The following GRID1 variants were observed in gnomAD, a reference collection of about 807,000 sequenced individuals.
GRID1 encodes glutamate ionotropic receptor delta type subunit 1, also known as glutamate receptor ionotropic, delta-1.
GRID1 carries 28 observed loss-of-function variants against 98.0 expected under a neutral mutation model. The ratio of observed to expected loss-of-function variants is 0.29; its 90% CI spans 0.21 to 0.39. The LOEUF (loss-of-function observed/expected upper bound fraction) is 0.39. Ranked by LOEUF, GRID1 falls within the 10% of genes least tolerant of loss-of-function variation. GRID1 has a pLI of 1.00. For synonymous variants in GRID1, 553 were observed against 538.5 expected (o/e 1.03, Z -0.37); for missense variants, 1,111 against 1,340.5 (o/e 0.83, Z 2.67).
At chr10:85,687,393 G>A (rs1206804935) in intron 12 of GRID1, among the ~76,000 whole-genome samples, 1 of 152,162 alleles carries the variant, frequency 6.6e-6, no homozygotes, top group African/African-American at 2.4e-5. Flanking sequence ...ATTACTTGGA[G>A]AGAGGGAAAC....
chr10:86,360,331 A>C (rs1436793211), intron 2 of GRID1, among the ~76,000 whole-genome samples: 1 of 152,266 alleles, frequency 6.6e-6, no homozygotes, highest in Non-Finnish European at 1.5e-5. Flanking sequence ...TATAAAATAC[A>C]GTGGTGGGGG....
chr10:85,673,201 G>A (rs747896236), intron 12 of GRID1, among the ~76,000 whole-genome samples: 5 of 152,192 alleles, frequency 3.3e-5, no homozygotes, highest in Admixed American at 6.5e-5. Context: ...TGTCATGATC[G>A]AACTTAAATG....
At chr10:86,079,669 G>A (rs1277818296) in intron 4 of GRID1, among the ~76,000 whole-genome samples, 1 of 152,070 alleles carries the variant, frequency 6.6e-6, no homozygotes, top group Non-Finnish European at 1.5e-5. Flanking sequence ...CAACCTCTCT[G>A]GGCCTCCGTG....
At chr10:86,049,201 C>T (rs1003339245) in intron 4 of GRID1, among the ~76,000 whole-genome samples, 4 of 152,178 alleles carry the variant, frequency 2.6e-5, no homozygotes, top group African/African-American at 7.2e-5. Flanking sequence ...AGTGTCTGAG[C>T]AATTGACCAG....
chr10:85,998,840 G>T (rs72845598), intron 4 of GRID1, among the ~76,000 whole-genome samples: 10,340 of 152,254 alleles, frequency 0.068, 512 homozygotes, highest in Non-Finnish European at 0.1. Context: ...CTATTAAAAT[G>T]ATAAGAAGGG....
At chr10:86,077,082 A>C (rs1437509038) in intron 4 of GRID1, among the ~76,000 whole-genome samples, 1 of 137,556 alleles carries the variant, frequency 7.3e-6, no homozygotes, top group African/African-American at 2.8e-5. Context: ...ACTCATACTG[A>C]GTCAAACTGG....
chr10:86,165,954 T>C (rs550959790), intron 3 of GRID1, among the ~76,000 whole-genome samples: 25 of 152,248 alleles, frequency 1.6e-4, no homozygotes, highest in African/African-American at 4.3e-4. Context: ...GTCATGCTGA[T>C]TGGACATTAG....
intron 4 of GRID1, among the ~76,000 whole-genome samples, chr10:85,954,717 G>C (rs979813335): frequency 6.6e-6 from 1 of 152,108 alleles, no homozygotes; most frequent in African/African-American, 2.4e-5. Context: ...AGGTCCTTCC[G>C]AACTGGCAGA....
chr10:85,950,982 T>G (rs993689918), intron 4 of GRID1, among the ~76,000 whole-genome samples: 1 of 151,836 alleles, frequency 6.6e-6, no homozygotes, highest in Non-Finnish European at 1.5e-5. Context: ...TAGGAGCCTG[T>G]CTGGCATCCC....
At chr10:86,193,212 G>A (rs748266955) in intron 3 of GRID1, among the ~76,000 whole-genome samples, 2 of 151,996 alleles carry the variant, frequency 1.3e-5, no homozygotes, top group Non-Finnish European at 2.9e-5. Flanking sequence ...GATCTGAATC[G>A]CCACCTGCAG....
chr10:86,204,999 G>T (rs554861056), intron 3 of GRID1, among the ~76,000 whole-genome samples: 2 of 151,930 alleles, frequency 1.3e-5, no homozygotes, highest in African/African-American at 4.8e-5. Context: ...GGAGTGGGAG[G>T]GTGGGAGGGA....
Position 85,804,019 on chromosome 10 carries a change from A to G in GRID1, c.1233+50477T>C, listed in dbSNP as rs144981023. On this transcript the variant is annotated intron_variant, in intron 8 of 15. Coordinates refer to ENST00000327946, the MANE Select transcript of GRID1 (RefSeq NM_017551.3). ...AGAACAAAGTAAGCACAAAATAAAT[A>G]GAATTAATGGAACACTAAATAGGGG... Among the ~76,000 whole-genome samples, 303 of 152,030 alleles carry G rather than the reference A, an allele frequency of 2.0e-3. 2 individuals are homozygous for G. The highest frequency in any genetic ancestry group is 6.0e-3 in the African/African-American group (249 of 41,568).
At chr10:85,786,959 C>G (rs985676699) in intron 8 of GRID1, among the ~76,000 whole-genome samples, 1 of 152,206 alleles carries the variant, frequency 6.6e-6, no homozygotes, top group African/African-American at 2.4e-5. Flanking sequence ...GAGGTCACAC[C>G]TGTGAGAGCT....
In GRID1 at chr10:86,140,121, G is replaced by T. The variant is rs571948477; in HGVS notation, c.521-1097C>A. Among the ~76,000 whole-genome samples, 6 of 152,302 alleles carry T rather than the reference G, an allele frequency of 3.9e-5. No homozygotes were observed. The South Asian group carries it at 1.2e-3, about 32-fold the overall frequency. On this transcript the variant is annotated intron_variant, in intron 3 of 15. Transcript: ENST00000327946. The stretch of plus-strand genomic sequence containing the variant: ...CCTTTGTTTGCCTAAGGTGGGTCAC[G>T]TGCAGCCCAGAGTCTCAATCCACAG...
intron 4 of GRID1, among the ~76,000 whole-genome samples, chr10:85,927,879 T>C (rs1040454755): frequency 6.6e-6 from 1 of 152,134 alleles, no homozygotes; most frequent in Non-Finnish European, 1.5e-5. Context: ...AAAAATTTGC[T>C]GAAAAGTAGT....
At chr10:86,351,007 G>C (rs891957128) in intron 2 of GRID1, among the ~76,000 whole-genome samples, 2 of 152,140 alleles carry the variant, frequency 1.3e-5, no homozygotes, top group African/African-American at 4.8e-5. Context: ...TGAGTTCAAT[G>C]TGTTTAGCTC....
chr10:85,998,143 C>G (rs1227186381), intron 4 of GRID1, among the ~76,000 whole-genome samples: 1 of 152,082 alleles, frequency 6.6e-6, no homozygotes, highest in Non-Finnish European at 1.5e-5. Flanking sequence ...CATTAACCTA[C>G]TAGATCTTAT....
Position 85,634,283 on chromosome 10 carries a change from TCTCTCTCTCACA to T in GRID1, c.2193+12907_2193+12918del, listed in dbSNP as rs1361222251. On this transcript the variant is annotated intron_variant, in intron 13 of 15. Transcript: ENST00000327946. ...CTCTCTCTCTCTCTCTCTCTCTCTCTCTCTCTCTCACACACACACACACACACACACAGACTA... is the reference window on the plus strand; with the variant it reads ...CTCTCTCTCTCTCTCTCTCTCTCTCTCACACACACACACACACACAGACTA... Among the ~76,000 whole-genome samples, 1,161 of 143,172 alleles carry T rather than the reference TCTCTCTCTCACA, an allele frequency of 8.1e-3. 11 individuals carry two copies. Among genetic ancestry groups the T allele is most frequent in the African/African-American group, 0.026 (933 of 35,692 alleles). 93.9% of individuals were successfully genotyped at this position (143,172 alleles called of 152,430 possible).
At chr10:85,831,099 C>T (rs1842863515) in intron 8 of GRID1, among the ~76,000 whole-genome samples, 1 of 150,994 alleles carries the variant, frequency 6.6e-6, no homozygotes, top group Non-Finnish European at 1.5e-5. Flanking sequence ...AAATGTGGTA[C>T]ATATACACCA....
Sources: gnomAD v4.1 joint callset for allele counts (sites outside exome capture counted in the v4.1 genomes callset) on GRCh38, gnomAD v4.1.1 for gene constraint, MANE v1.5 for transcripts, NCBI Gene and HGNC (gene_info 2026-07-23, HGNC 2026-07-21) for gene names.